ZDHHC20: variants seen among roughly 807,000 people sequenced by gnomAD.
ZDHHC20 encodes zDHHC palmitoyltransferase 20.
Under a neutral mutation model 57.8 loss-of-function variants are expected in ZDHHC20, and 43 were observed. The observed-to-expected ratio is 0.74, with a 90% CI of 0.58 to 0.96. ZDHHC20 has a LOEUF of 0.96. Among genes scored for constraint, ZDHHC20 ranks in the 40% least tolerant of loss-of-function variants. ZDHHC20 has a pLI of 0.00. For synonymous variants in ZDHHC20, 157 were observed against 153.0 expected, an observed-to-expected ratio of 1.03 and a Z score of -0.19; for missense variants, 391 against 441.1, an observed-to-expected ratio of 0.89 and a Z score of 1.02.
At chr13:21,451,859 C>T (rs778088716) in intron 1 of ZDHHC20, among the ~76,000 whole-genome samples, 2 of 151,740 alleles carry the variant, frequency 1.3e-5, no homozygotes, top group East Asian at 1.9e-4. Flanking sequence ...CAGGGCATGG[C>T]GGCACACACC....
chr13:21,433,722 G>C (rs1882249241), intron 1 of ZDHHC20, among the ~76,000 whole-genome samples: 1 of 152,176 alleles, frequency 6.6e-6, no homozygotes, highest in Admixed American at 6.5e-5. Context: ...ATTTTGACTG[G>C]CTGAACTTAC....
intron 1 of ZDHHC20, among the ~76,000 whole-genome samples, chr13:21,457,550 T>C (rs1011593943): frequency 3.0e-4 from 46 of 152,238 alleles, no homozygotes; most frequent in Admixed American, 2.7e-3. Context: ...AACAATGATA[T>C]TGAAAAGATT....
chr13:21,383,756 A>G (rs2137663380), intron 9 of ZDHHC20, among the ~76,000 whole-genome samples: 1 of 152,318 alleles, frequency 6.6e-6, no homozygotes, highest in South Asian at 2.1e-4. Flanking sequence ...CTGAATGCCT[A>G]TGATGTTCTA....
intron 3 of ZDHHC20, among the ~76,000 whole-genome samples, chr13:21,419,061 G>T (rs1002702171): frequency 6.6e-6 from 1 of 152,066 alleles, no homozygotes; most frequent in African/African-American, 2.4e-5. Flanking sequence ...CCTGAAATGA[G>T]AATTATTTAC....
chr13:21,381,551 T>C lies in ZDHHC20; in HGVS notation c.945-2A>G. 3 of 1,607,536 alleles carry C rather than the reference T, an allele frequency of 1.9e-6. No homozygotes were observed. The highest frequency in any genetic ancestry group is 2.6e-6 in the Non-Finnish European group (3 of 1,174,590). On this transcript the variant is annotated splice_acceptor_variant, in intron 10 of 12. Transcript: ENST00000400590. LOFTEE classifies it high-confidence loss of function. ...GGAAAAGGTTGATTTGAGCCACTAC[T>C]GAAAAGAAGAGCAAACAACTTAGTA...
chr13:21,413,606 A>G (rs765001721), intron 4 of ZDHHC20, 46 bp downstream of exon 4: 2 of 1,539,608 alleles, frequency 1.3e-6, no homozygotes, highest in South Asian at 1.2e-5. Flanking sequence ...AGGAATAAGC[A>G]TACTTTAAAA....
At chr13:21,410,377 C>T (rs1318791362) in intron 4 of ZDHHC20, among the ~76,000 whole-genome samples, 1 of 152,184 alleles carries the variant, frequency 6.6e-6, no homozygotes, top group East Asian at 1.9e-4. Context: ...CTTAGCAGAG[C>T]TCGAGTACTG....
chr13:21,381,538 T>C lies in ZDHHC20; in HGVS notation c.956A>G (p.Asn319Ser). ...AAGTGGTTTGATAGGAAAAGGTTGA[T>C]TTGAGCCACTACTGAAAAGAAGAGC... is the stretch of plus-strand genomic sequence containing the variant. ...QNEYARSSGS[N>S]QPFPIKPLSE... The change falls in exon 11 of 13, where the codon AAT (asparagine) becomes AGT (serine). Residue 319 changes from asparagine to serine, a missense_variant. Coordinates refer to ENST00000400590, the MANE Select transcript of ZDHHC20 (RefSeq NM_001330059.2). 2 of 1,612,892 alleles carry C rather than the reference T, an allele frequency of 1.2e-6. No homozygotes were observed.
intron 4 of ZDHHC20, among the ~76,000 whole-genome samples, chr13:21,408,472 T>C (rs1878758166): frequency 6.6e-6 from 1 of 152,224 alleles, no homozygotes. Context: ...TTTTGTATCC[T>C]GAGACTTTGC....
chr13:21,382,574 C>T (rs745552707), intron 10 of ZDHHC20, among the ~76,000 whole-genome samples: 7 of 152,032 alleles, frequency 4.6e-5, no homozygotes, highest in African/African-American at 1.4e-4. Flanking sequence ...AATTTATTTG[C>T]AAAAACATAA....
intron 1 of ZDHHC20, among the ~76,000 whole-genome samples, chr13:21,454,647 A>G (rs1884756193): frequency 6.6e-6 from 1 of 152,208 alleles, no homozygotes; most frequent in African/African-American, 2.4e-5. Flanking sequence ...ACAAAACAGA[A>G]AAGAGAAAAA....
chr13:21,376,281 G>A lies in ZDHHC20; in HGVS notation c.*415C>T, dbSNP rs1200633064. 1 of 160,160 alleles carries A rather than the reference G, an allele frequency of 6.2e-6. No individual in the cohort carries two copies. The highest frequency in any genetic ancestry group is 2.4e-5 in the African/African-American group (1 of 41,844). 9.9% of individuals were successfully genotyped at this position (160,160 alleles called of 1,614,324 possible). A position where few individuals can be genotyped will look rare whatever the true frequency, so the allele number is the denominator to read the frequency against. The stretch of plus-strand genomic sequence containing the variant: ...CCATTTGCCCTAGATGTACTTTAAA[G>A]TTTTTAAGCTTGTGTTTTTGGAGTG... On this transcript the variant is annotated 3_prime_UTR_variant, in exon 13 of 13. Transcript: ENST00000400590.
chr13:21,375,280 A>C lies in ZDHHC20; in HGVS notation c.*1416T>G. On this transcript the variant is annotated 3_prime_UTR_variant, in exon 13 of 13. Transcript: ENST00000400590. The stretch of plus-strand genomic sequence containing the variant: ...TTACAGACAGGAAGCTCCAACCTGT[A>C]GTACTCACAGATGCTGCTGAGATTC... 1 of 416,072 alleles carries C rather than the reference A, an allele frequency of 2.4e-6. No homozygotes were observed. The highest frequency in any genetic ancestry group is 4.8e-6 in the Non-Finnish European group (1 of 209,856). 25.8% of individuals were successfully genotyped at this position (416,072 alleles called of 1,614,324 possible). A position where few individuals can be genotyped will look rare whatever the true frequency, so the allele number is the denominator to read the frequency against.
At position 21,374,423 on chromosome 13, in the gene ZDHHC20, C is replaced by T. The variant is rs567677115; in HGVS notation, c.*2273G>A. 5.0e-5 allele frequency: 23 copies of T among 455,824 alleles called. No individual in the cohort carries two copies. Among genetic ancestry groups the T allele is most frequent in the African/African-American group, 2.2e-4 (11 of 50,162 alleles). The allele number at this position is 455,824 out of a possible 1,614,324, so 28.2% of individuals were successfully genotyped here. A position where few individuals can be genotyped will look rare whatever the true frequency, so the allele number is the denominator to read the frequency against. ...GGTTTTTTTGTATTTTTAGTGGAGA[C>T]AGGGTTTTGCCATTTTGACCAGGCT... is the stretch of plus-strand genomic sequence containing the variant. On this transcript the variant is annotated 3_prime_UTR_variant, in exon 13 of 13. Coordinates refer to ENST00000400590, the MANE Select transcript of ZDHHC20 (RefSeq NM_001330059.2).
chr13:21,416,690 T>G (rs1880020782), intron 3 of ZDHHC20, among the ~76,000 whole-genome samples: 1 of 152,202 alleles, frequency 6.6e-6, no homozygotes, highest in African/African-American at 2.4e-5. Context: ...GCAGTGTACC[T>G]AAGTTTTGAA....
At chr13:21,418,725 G>T (rs1269978568) in intron 3 of ZDHHC20, among the ~76,000 whole-genome samples, 2 of 152,226 alleles carry the variant, frequency 1.3e-5, no homozygotes, top group African/African-American at 4.8e-5. Context: ...CTGGGCTGCA[G>T]TGCAGTGGCA....
intron 1 of ZDHHC20, among the ~76,000 whole-genome samples, chr13:21,440,253 G>A (rs1883005809): frequency 6.6e-6 from 1 of 152,024 alleles, no homozygotes; most frequent in Non-Finnish European, 1.5e-5. Context: ...TGTGGGTGAA[G>A]GTTATATGAC....
intron 1 of ZDHHC20, among the ~76,000 whole-genome samples, chr13:21,434,462 T>A (rs987739378): frequency 1.3e-5 from 2 of 152,228 alleles, no homozygotes; most frequent in African/African-American, 4.8e-5. Flanking sequence ...ACAAACATTA[T>A]TCCTCATTTA....
intron 1 of ZDHHC20, among the ~76,000 whole-genome samples, chr13:21,440,068 GAAAAAAAA>G (rs376263181): frequency 0.016 from 1,469 of 89,690 alleles, 15 homozygotes; most frequent in African/African-American, 0.065. Context: ...CTGTTTCTCA[GAAAAAAAA>G]AAAAAAAAAA....
Sources: gnomAD v4.1 joint callset for allele counts (sites outside exome capture counted in the v4.1 genomes callset) on GRCh38, gnomAD v4.1.1 for gene constraint, MANE v1.5 for transcripts, NCBI Gene and HGNC (gene_info 2026-07-23, HGNC 2026-07-21) for gene names.